BRSK2: variants seen among roughly 807,000 people sequenced by gnomAD.
BRSK2 encodes serine/threonine-protein kinase BRSK2.
BRSK2 carries 19 observed loss-of-function variants against 83.3 expected under a neutral mutation model. The ratio of observed to expected loss-of-function variants is 0.23; its 90% CI spans 0.16 to 0.33. The LOEUF (loss-of-function observed/expected upper bound fraction) is 0.33. Among genes scored for constraint, BRSK2 ranks in the 10% least tolerant of loss-of-function variants. BRSK2 has a pLI of 1.00. For missense variants in BRSK2, 798 were observed against 1,042.3 expected (o/e 0.77, Z 3.23); for synonymous variants, 519 against 435.4 (o/e 1.19, Z -2.39).
chr11:1,399,419 C>A (rs552587261), intron 1 of BRSK2, among the ~76,000 whole-genome samples: 1 of 152,114 alleles, frequency 6.6e-6, no homozygotes, highest in Non-Finnish European at 1.5e-5. Context: ...CCAGGATGCC[C>A]GAGGGTGGGG....
rs534169947 is a variant in BRSK2 at position 1,440,881 on chromosome 11, C to T, written c.366C>T (p.Phe122=). 2.5e-6 allele frequency: 4 copies of T among 1,609,558 alleles called. No homozygotes were observed. In the East Asian group the frequency reaches 8.9e-5, roughly 36 times the overall value. ...RLTPKEARKF[F]RQIISALDFC... is the part of the protein sequence containing the mutation. ...CGCCTAAGGAGGCTCGGAAGTTCTT[C>T]CGGCAGATCATCTCTGCGCTGGACT... Residue 122 remains phenylalanine (F), a synonymous_variant, in exon 4 of 20, where the codon TTC becomes TTT. Transcript: ENST00000528841.
chr11:1,391,176 G>A (rs1337557397), intron 1 of BRSK2, among the ~76,000 whole-genome samples: 2 of 152,266 alleles, frequency 1.3e-5, no homozygotes, highest in African/African-American at 2.4e-5. Context: ...CCGGCCCGCT[G>A]GGTTTGGCTA....
chr11:1,456,659 C>A lies in BRSK2; in HGVS notation c.1911C>A (p.His637Gln), dbSNP rs772305366. 1.9e-6 allele frequency: 3 copies of A among 1,608,352 alleles called. No individual in the cohort carries two copies. Among genetic ancestry groups the A allele is most frequent in the African/African-American group, 2.7e-5 (2 of 74,906 alleles). Reference sequence around the variant, plus strand: ...TCCAGGCCCAGCTGCTGAGCACACACGACCCGCCTGCGGCCCAGCACTTGT... The same window carrying A: ...TCCAGGCCCAGCTGCTGAGCACACAAGACCCGCCTGCGGCCCAGCACTTGT... ...ETIQAQLLST[H>Q]DPPAAQHLSD... is the part of the protein sequence containing the mutation. The change falls in exon 18 of 20, where the codon CAC becomes CAA. Residue 637 changes from histidine (H) to glutamine (Q), a missense_variant. His to Gln is a conservative substitution (Grantham distance 24). Transcript: ENST00000528841.
chr11:1,396,901 G>A (rs368329891), intron 1 of BRSK2, among the ~76,000 whole-genome samples: 126 of 152,332 alleles, frequency 8.3e-4, no homozygotes, highest in African/African-American at 2.7e-3. Flanking sequence ...CTGGCCCCTC[G>A]GAAGTGGAAG....
intron 1 of BRSK2, among the ~76,000 whole-genome samples, chr11:1,422,099 G>A (rs1848690049): frequency 6.6e-6 from 1 of 152,150 alleles, no homozygotes; most frequent in African/African-American, 2.4e-5. Context: ...CGGGGTCAGA[G>A]CCAACTGTGT....
intron 12 of BRSK2, among the ~76,000 whole-genome samples, chr11:1,449,306 C>G (rs73409601): frequency 6.7e-4 from 102 of 152,344 alleles, no homozygotes; most frequent in African/African-American, 2.4e-3. Context: ...CGGCCGCTGA[C>G]CCAGGCATCC....
chr11:1,443,235 T>G, intron 6 of BRSK2, 96 bp downstream of exon 6: 8 of 1,517,342 alleles, frequency 5.3e-6, no homozygotes, highest in Non-Finnish European at 7.1e-6. Context: ...CAGGTGCTGC[T>G]AGGCTGCCTG....
chr11:1,439,896 C>G (rs1373500846), intron 3 of BRSK2, among the ~76,000 whole-genome samples: 1 of 151,842 alleles, frequency 6.6e-6, no homozygotes, highest in Non-Finnish European at 1.5e-5. Context: ...GGCTTCACAC[C>G]TTCCCCTGCC....
At chr11:1,421,929 C>A (rs940772267) in intron 1 of BRSK2, among the ~76,000 whole-genome samples, 1 of 140,160 alleles carries the variant, frequency 7.1e-6, no homozygotes. Context: ...GTGAGCACGG[C>A]GGCCTGACCA....
rs928617883 is a variant in BRSK2 at position 1,458,885 on chromosome 11, C to G, written c.1940-307C>G. 7.2e-5 allele frequency among the ~76,000 whole-genome samples: 11 copies of G among 152,174 alleles called. No individual in the cohort carries two copies. In the South Asian group the frequency reaches 2.1e-3, roughly 29 times the overall value. The stretch of plus-strand genomic sequence containing the variant: ...TGTCAGCCCAGGGGAGGGGCTAGGC[C>G]CACCCAGGGCACCGGCCATATCCAG... On this transcript the variant is annotated intron_variant, in intron 18 of 19. Coordinates refer to ENST00000528841, the MANE Select transcript of BRSK2 (RefSeq NM_001256627.2).
intron 18 of BRSK2, among the ~76,000 whole-genome samples, chr11:1,458,560 C>A (rs1846953458): frequency 6.6e-6 from 1 of 152,190 alleles, no homozygotes; most frequent in Non-Finnish European, 1.5e-5. Context: ...CTGCCCACCC[C>A]CCCAGAGACT....
intron 1 of BRSK2, among the ~76,000 whole-genome samples, chr11:1,419,671 G>C (rs1292474477): frequency 6.6e-6 from 1 of 152,194 alleles, no homozygotes; most frequent in African/African-American, 2.4e-5. Context: ...AGCACTTTGG[G>C]GGGCCATGGC....
chr11:1,400,196 TG>T (rs1318615545), intron 1 of BRSK2, among the ~76,000 whole-genome samples: 2 of 152,030 alleles, frequency 1.3e-5, no homozygotes, highest in Non-Finnish European at 2.9e-5. Flanking sequence ...CAGGAGGGAG[TG>T]GGCAGGCGCT....
intron 1 of BRSK2, among the ~76,000 whole-genome samples, chr11:1,401,182 G>A (rs908866706): frequency 3.9e-5 from 6 of 152,210 alleles, no homozygotes; most frequent in Admixed American, 3.3e-4. Context: ...CTAGGCTCCC[G>A]TCTTCACAGA....
chr11:1,410,603 C>T (rs1446708467), intron 1 of BRSK2: 17 of 985,292 alleles, frequency 1.7e-5, no homozygotes, highest in South Asian at 4.7e-5. Flanking sequence ...TCGGGGGCTC[C>T]GAGTGCAGGG....
intron 19 of BRSK2, 118 bp downstream of exon 19, chr11:1,459,357 C>A: frequency 8.7e-7 from 1 of 1,151,324 alleles, no homozygotes; most frequent in Non-Finnish European, 1.3e-6. Flanking sequence ...TAGATGTAGG[C>A]ACCCAGCAGC....
intron 1 of BRSK2, chr11:1,411,667 C>T (rs1405565426): frequency 6.5e-7 from 1 of 1,533,038 alleles, no homozygotes; most frequent in African/African-American, 1.4e-5. Flanking sequence ...GCCAGGGCCC[C>T]TCGAGGGAGG....
intron 1 of BRSK2, 61 bp from the exon 2 acceptor site, chr11:1,435,979 G>T (rs968288980): frequency 1.5e-6 from 2 of 1,327,028 alleles, no homozygotes. Flanking sequence ...TGCACTGTCC[G>T]GCTGGGTGCT....
intron 1 of BRSK2, chr11:1,411,106 T>G: frequency 8.5e-7 from 1 of 1,183,146 alleles, no homozygotes; most frequent in Non-Finnish European, 1.0e-6. Flanking sequence ...GCAGCCCAGG[T>G]TTGGAGACCA....
Sources: allele counts gnomAD v4.1 joint callset (sites outside exome capture counted in the v4.1 genomes callset), GRCh38; gene constraint gnomAD v4.1.1; transcripts MANE v1.5; gene names NCBI Gene and HGNC (gene_info 2026-07-23, HGNC 2026-07-21).